NEGR1: variants seen among roughly 807,000 people sequenced by gnomAD.
NEGR1 encodes IgLON family member 4.
NEGR1 carries 10 observed loss-of-function variants against 40.9 expected under a neutral mutation model. The ratio of observed to expected loss-of-function variants is 0.24; its 90% confidence interval spans 0.15 to 0.42. The LOEUF (loss-of-function observed/expected upper bound fraction) is 0.42, where lower values mean the gene tolerates loss of function less well. Ranked by LOEUF, NEGR1 falls within the 10% of genes least tolerant of loss-of-function variation. The pLI is 1.00. For synonymous variants in NEGR1, 185 were observed against 166.8 expected (o/e 1.11, Z -0.84); for missense variants, 352 against 438.9 (o/e 0.80, Z 1.77).
At position 72,032,752 on chromosome 1, in the gene NEGR1, A is replaced by T. The variant is rs3128556; in HGVS notation, c.177-97441T>A. On this transcript the variant is annotated intron_variant, in intron 1 of 6. Coordinates refer to ENST00000357731, the MANE Select transcript of NEGR1 (RefSeq NM_173808.3). ...CAAATACATTTTAGCATATAGCAGCAGAGACTGAGAAACCTGACCATATTG... is the reference window on the plus strand; with the variant it reads ...CAAATACATTTTAGCATATAGCAGCTGAGACTGAGAAACCTGACCATATTG... Among the ~76,000 whole-genome samples, 1,486 of 152,290 alleles carry T rather than the reference A, an allele frequency of 9.8e-3. 24 individuals are homozygous for T. Among genetic ancestry groups the T allele is most frequent in the African/African-American group, 0.034 (1,426 of 41,576 alleles).
intron 6 of NEGR1, among the ~76,000 whole-genome samples, chr1:71,575,652 G>A (rs576245988): frequency 1.2e-4 from 18 of 152,158 alleles, no homozygotes; most frequent in African/African-American, 3.1e-4. Context: ...GCATGGTGGC[G>A]GGTGCCTGTA....
At chr1:71,487,984 G>T (rs1312220991) in intron 6 of NEGR1, 1 of 151,636 alleles carries the variant, frequency 6.6e-6, no homozygotes, top group East Asian at 1.9e-4. Context: ...TTTTTCTTGT[G>T]CTGTAGAGGC....
At chr1:71,873,988 TTTG>T (rs1254203308) in intron 2 of NEGR1, among the ~76,000 whole-genome samples, 3 of 152,160 alleles carry the variant, frequency 2.0e-5, no homozygotes, top group African/African-American at 7.2e-5. Flanking sequence ...ATGCTCTGAT[TTTG>T]TTAATTGCCT....
chr1:71,772,038 C>A (rs1298874553), intron 3 of NEGR1, among the ~76,000 whole-genome samples: 1 of 152,096 alleles, frequency 6.6e-6, no homozygotes, highest in Non-Finnish European at 1.5e-5. Flanking sequence ...AATCAGACAA[C>A]ACACTGATTG....
intron 6 of NEGR1, among the ~76,000 whole-genome samples, chr1:71,504,635 C>A (rs145917658): frequency 6.6e-6 from 1 of 152,074 alleles, no homozygotes; most frequent in Non-Finnish European, 1.5e-5. Flanking sequence ...AGGTGGGACC[C>A]GAGGAAGAAA....
chr1:71,656,261 T>C (rs1651870821), intron 4 of NEGR1, among the ~76,000 whole-genome samples: 1 of 152,212 alleles, frequency 6.6e-6, no homozygotes, highest in Non-Finnish European at 1.5e-5. Flanking sequence ...AATTTTCCGT[T>C]AGAAGGAAAG....
At chr1:71,695,309 T>C (rs956676403) in intron 4 of NEGR1, among the ~76,000 whole-genome samples, 1 of 151,798 alleles carries the variant, frequency 6.6e-6, no homozygotes, top group Non-Finnish European at 1.5e-5. Flanking sequence ...ATCAAAGGTA[T>C]GACTCAGGGA....
intron 1 of NEGR1, among the ~76,000 whole-genome samples, chr1:72,273,554 C>A (rs1655928393): frequency 6.6e-6 from 1 of 151,850 alleles, no homozygotes; most frequent in Non-Finnish European, 1.5e-5. Context: ...CTTAAACCGA[C>A]AGTAAGAATA....
intron 6 of NEGR1, among the ~76,000 whole-genome samples, chr1:71,544,107 C>A (rs1372094717): frequency 6.6e-6 from 1 of 151,620 alleles, no homozygotes; most frequent in African/African-American, 2.4e-5. Flanking sequence ...TTTTCTCCAA[C>A]CTGTAGGCTT....
At chr1:71,582,566 G>A (rs910496629) in intron 6 of NEGR1, among the ~76,000 whole-genome samples, 2 of 152,082 alleles carry the variant, frequency 1.3e-5, no homozygotes, top group African/African-American at 4.8e-5. Flanking sequence ...TATGGAAGGA[G>A]CAGATCTCAT....
intron 1 of NEGR1, among the ~76,000 whole-genome samples, chr1:72,099,274 A>T (rs550339883): frequency 1.3e-5 from 2 of 152,080 alleles, no homozygotes; most frequent in South Asian, 4.1e-4. Context: ...AGTGAAGATG[A>T]TTTTATTTCA....
At chr1:71,488,729 C>A (rs2101381771) in intron 6 of NEGR1, among the ~76,000 whole-genome samples, 1 of 151,778 alleles carries the variant, frequency 6.6e-6, no homozygotes, top group African/African-American at 2.4e-5. Context: ...ACTTCCCTGA[C>A]TTCAAACACT....
intron 1 of NEGR1, among the ~76,000 whole-genome samples, chr1:72,066,107 T>G (rs924095210): frequency 6.6e-6 from 1 of 152,114 alleles, no homozygotes; most frequent in Non-Finnish European, 1.5e-5. Flanking sequence ...TTACAAGGCA[T>G]TTACTAGTTG....
chr1:71,645,744 TTGTC>T (rs997643651), intron 4 of NEGR1, among the ~76,000 whole-genome samples: 2 of 151,834 alleles, frequency 1.3e-5, no homozygotes, highest in Admixed American at 6.6e-5. Flanking sequence ...TATCTCCACA[TTGTC>T]TGTAGTTCTT....
intron 2 of NEGR1, among the ~76,000 whole-genome samples, chr1:71,838,224 C>A (rs1444462966): frequency 6.6e-6 from 1 of 151,988 alleles, no homozygotes; most frequent in African/African-American, 2.4e-5. Flanking sequence ...TTGGATAATA[C>A]AAATAACCCA....
intron 1 of NEGR1, among the ~76,000 whole-genome samples, chr1:72,202,535 A>T (rs1653252482): frequency 6.6e-6 from 1 of 152,010 alleles, no homozygotes; most frequent in Non-Finnish European, 1.5e-5. Context: ...CACTGAACAC[A>T]AGTGATAAAG....
At chr1:71,865,958 C>T (rs1660099549) in intron 2 of NEGR1, among the ~76,000 whole-genome samples, 1 of 152,068 alleles carries the variant, frequency 6.6e-6, no homozygotes. Context: ...TTATGAATAA[C>T]ATTATTATAG....
At chr1:71,756,016 G>T (rs1291894808) in intron 3 of NEGR1, among the ~76,000 whole-genome samples, 1 of 152,096 alleles carries the variant, frequency 6.6e-6, no homozygotes, top group South Asian at 2.1e-4. Flanking sequence ...AGCCTCAAAT[G>T]TATTTGTCAT....
In NEGR1 at chr1:71,897,042, A is replaced by G. The variant is rs114453372; in HGVS notation, c.409+38037T>C. ...TGTGCTCTGATGCCATGTTACAAGT[A>G]TAATCTGCACTGATACAGACTGCAC... On this transcript the variant is annotated intron_variant, in intron 2 of 6. Coordinates refer to ENST00000357731, the MANE Select transcript of NEGR1 (RefSeq NM_173808.3). 2.1e-3 allele frequency among the ~76,000 whole-genome samples: 321 copies of G among 152,312 alleles called. 7 individuals carry two copies. The highest frequency in any genetic ancestry group is 2.8e-3 in the Non-Finnish European group (188 of 68,024).
Sources: gnomAD v4.1 joint callset for allele counts (sites outside exome capture counted in the v4.1 genomes callset) on GRCh38, gnomAD v4.1.1 for gene constraint, MANE v1.5 for transcripts, NCBI Gene and HGNC (gene_info 2026-07-23, HGNC 2026-07-21) for gene names.